Variants in DMD observed in about 807,000 individuals in gnomAD.
DMD encodes the protein mutant dystrophin.
A neutral mutation model predicts 330.1 loss-of-function variants in DMD; 63 were observed. The observed-to-expected ratio is 0.19, with a 90% CI of 0.16 to 0.24. DMD has a LOEUF of 0.24. Ranked by LOEUF, DMD falls within the 10% of genes least tolerant of loss-of-function variation. The probability of loss-of-function intolerance (pLI) is 1.00; values close to 1 mark genes in which losing one functional copy is unlikely to be tolerated. For synonymous variants in DMD, 1,223 were observed against 959.8 expected (o/e 1.27, Z -5.07); for missense variants, 3,344 against 2,684.1 (o/e 1.25, Z -5.43).
intron 2 of DMD, among the ~76,000 whole-genome samples, chrX:32,886,753 G>A (rs1184865947): frequency 2.7e-5 from 3 of 111,760 alleles, no homozygotes; most frequent in Middle Eastern, 4.6e-3. Flanking sequence ...AAACAAAATG[G>A]TCTACTGGGT....
At chrX:32,971,119 G>A (rs755687856) in intron 2 of DMD, among the ~76,000 whole-genome samples, 34 of 110,934 alleles carry the variant, frequency 3.1e-4, no homozygotes, top group African/African-American at 1.1e-3. Flanking sequence ...CTGCCACCAG[G>A]TCAGGCTAAT....
At chrX:32,630,453 T>A (rs946659516) in intron 11 of DMD, among the ~76,000 whole-genome samples, 2 of 110,976 alleles carry the variant, frequency 1.8e-5, no homozygotes, top group African/African-American at 6.6e-5. Context: ...TATCTTCTTG[T>A]ACTTGAATTT....
intron 55 of DMD, among the ~76,000 whole-genome samples, chrX:31,579,271 A>G (rs1489701159): frequency 8.9e-6 from 1 of 112,357 alleles, no homozygotes; most frequent in Non-Finnish European, 1.9e-5. Flanking sequence ...CATTTCAGCC[A>G]GTTTAATGAG....
chrX:32,833,912 T>C (rs1010939840), intron 4 of DMD, among the ~76,000 whole-genome samples: 8 of 110,516 alleles, frequency 7.2e-5, no homozygotes, highest in Non-Finnish European at 1.5e-4. Context: ...AGAGGTATAC[T>C]AAGGGGGATG....
chrX:32,166,098 C>T (rs377236901), intron 44 of DMD, among the ~76,000 whole-genome samples: 1 of 111,118 alleles, frequency 9.0e-6, no homozygotes, highest in African/African-American at 3.3e-5. Context: ...TAATACACTC[C>T]CTCTCTTGAG....
intron 62 of DMD, chrX:31,266,926 C>T (rs1302185818): frequency 4.8e-5 from 56 of 1,158,596 alleles, no homozygotes; most frequent in Non-Finnish European, 6.2e-5. Context: ...GCCGCCGCCG[C>T]CGCCCAAGCT....
At chrX:33,245,623 A>T (rs1258674595) in intron 1 of DMD, among the ~76,000 whole-genome samples, 1 of 112,299 alleles carries the variant, frequency 8.9e-6, no homozygotes, top group Non-Finnish European at 1.9e-5. Flanking sequence ...AACAACTATG[A>T]ATTTTAACAG....
At chrX:33,225,733 A>T (rs1489438992) in intron 1 of DMD, among the ~76,000 whole-genome samples, 1 of 111,327 alleles carries the variant, frequency 9.0e-6, no homozygotes, top group Non-Finnish European at 1.9e-5. Context: ...ACAAAATTTT[A>T]AAATTTTGCT....
At chrX:32,871,733 A>C (rs1470250791) in intron 2 of DMD, among the ~76,000 whole-genome samples, 1 of 111,617 alleles carries the variant, frequency 9.0e-6, no homozygotes, top group Admixed American at 9.5e-5. Flanking sequence ...GGTAAGACAC[A>C]GTCGTTGTTA....
chrX:32,563,570 C>G (rs1408435996), intron 16 of DMD, among the ~76,000 whole-genome samples: 1 of 111,068 alleles, frequency 9.0e-6, no homozygotes, highest in East Asian at 2.8e-4. Flanking sequence ...AACCAGTATT[C>G]TTTTATTATA....
chrX:31,942,271 G>A (rs751592408), intron 45 of DMD, among the ~76,000 whole-genome samples: 4 of 111,324 alleles, frequency 3.6e-5, no homozygotes, highest in African/African-American at 9.8e-5. Flanking sequence ...TAATTAGCTC[G>A]TGCCTCCTAC....
intron 2 of DMD, among the ~76,000 whole-genome samples, chrX:33,009,734 A>G (rs928559277): frequency 5.5e-5 from 3 of 54,339 alleles, no homozygotes; most frequent in South Asian, 1.3e-3. Context: ...GTATATGTGT[A>G]TATACACACA....
intron 34 of DMD, among the ~76,000 whole-genome samples, chrX:32,373,264 G>A (rs994689019): frequency 4.6e-5 from 5 of 108,763 alleles, no homozygotes; most frequent in African/African-American, 1.7e-4. Flanking sequence ...ATTCTACAAC[G>A]CCACTGGCCT....
intron 44 of DMD, among the ~76,000 whole-genome samples, chrX:32,000,920 G>A (rs2095621945): frequency 9.0e-6 from 1 of 111,408 alleles, no homozygotes; most frequent in South Asian, 3.8e-4. Flanking sequence ...TCTGCCACTA[G>A]TTTATCCCTG....
At chrX:32,738,947 T>A (rs1292739739) in intron 7 of DMD, among the ~76,000 whole-genome samples, 2 of 111,685 alleles carry the variant, frequency 1.8e-5, no homozygotes, top group Non-Finnish European at 3.8e-5. Flanking sequence ...AGACAGCTTT[T>A]AAGGGATTAA....
At position 32,454,663 on chromosome X, in the gene DMD, T is replaced by A; in HGVS notation, c.3602A>T (p.Lys1201Met). Reference sequence around the variant, plus strand: ...TAGTTTTTCTTTTTTTTTTTTTACCTTCATCTCTTCAACTGCTTTCTGTAA... The same window carrying A: ...TAGTTTTTCTTTTTTTTTTTTTACCATCATCTCTTCAACTGCTTTCTGTAA... ...DELQKAVEEM[K>M]RAKEEAQQKE... is the part of the protein sequence containing the mutation. The change falls in exon 26 of 79, where the codon AAG becomes ATG. Residue 1201 changes from lysine (K) to methionine (M), a missense_variant and splice_region_variant. By Grantham distance (95) the Lys-to-Met change is moderately conservative. Coordinates refer to ENST00000357033, the MANE Select transcript of DMD (RefSeq NM_004006.3). The A allele has an allele frequency of 5.4e-6, 6 of 1,118,627 alleles. No individual in the cohort carries two copies. Among genetic ancestry groups the A allele is most frequent in the Non-Finnish European group, 7.3e-6 (6 of 826,904 alleles). The allele number at this position is 1,118,627 out of a possible 1,213,427, so 92.2% of individuals were successfully genotyped here. A position where few individuals can be genotyped will look rare whatever the true frequency, so the allele number is the denominator to read the frequency against.
intron 18 of DMD, among the ~76,000 whole-genome samples, chrX:32,508,956 G>T (rs1316533356): frequency 1.8e-5 from 2 of 109,646 alleles, no homozygotes; most frequent in African/African-American, 6.6e-5. Flanking sequence ...GACTACAGGC[G>T]CCCGCAACCA....
chrX:33,138,493 C>A (rs753377747), intron 1 of DMD, among the ~76,000 whole-genome samples: 6 of 111,751 alleles, frequency 5.4e-5, no homozygotes, highest in Admixed American at 9.5e-5. Flanking sequence ...GATATAAGTA[C>A]AATTTGCCAG....
At chrX:31,369,359 G>A (rs2059425778) in intron 60 of DMD, among the ~76,000 whole-genome samples, 1 of 112,135 alleles carries the variant, frequency 8.9e-6, no homozygotes, top group African/African-American at 3.2e-5. Flanking sequence ...CAATATCAGG[G>A]AGATAAATTA....
Sources: allele counts gnomAD v4.1 joint callset (sites outside exome capture counted in the v4.1 genomes callset), GRCh38; gene constraint gnomAD v4.1.1; transcripts MANE v1.5; gene names NCBI Gene and HGNC (gene_info 2026-07-23, HGNC 2026-07-21).